The following INSYN2A variants were observed in gnomAD, a reference collection of about 807,000 sequenced individuals.
INSYN2A encodes inhibitory synaptic factor 2A.
A neutral mutation model predicts 39.4 loss-of-function variants in INSYN2A; 17 were observed. The observed-to-expected ratio is 0.43, with a 90% CI of 0.30 to 0.65. The LOEUF is 0.65. INSYN2A is among the 30% of genes least tolerant of loss of function. The probability of loss-of-function intolerance (pLI) is 0.14; values close to 1 mark genes in which losing one functional copy is unlikely to be tolerated. For missense variants in INSYN2A, 595 were observed against 631.2 expected (o/e 0.94, Z 0.61); for synonymous variants, 255 against 265.7 (o/e 0.96, Z 0.39).
chr10:127,169,671 G>A (rs2054384515), intron 4 of INSYN2A, among the ~76,000 whole-genome samples: 1 of 152,098 alleles, frequency 6.6e-6, no homozygotes, highest in Admixed American at 6.5e-5. Context: ...ACAAAGACTG[G>A]CTGTCAATAT....
intron 5 of INSYN2A, among the ~76,000 whole-genome samples, chr10:127,141,237 C>T (rs1477130515): frequency 3.9e-5 from 6 of 152,218 alleles, no homozygotes; most frequent in Non-Finnish European, 1.5e-5. Context: ...ATTATTCGTT[C>T]CCATATTACT....
rs1200932034 is a variant in INSYN2A at position 127,142,055 on chromosome 10, G to A, written c.1257-4035C>T. Among the ~76,000 whole-genome samples the A allele has an allele frequency of 2.6e-5, 4 of 152,290 alleles. No individual in the cohort carries two copies. In the East Asian group the frequency reaches 7.7e-4, roughly 29 times the overall value. ...TTGTGAGTGACCAGCTACCACAGTC[G>A]CTGTGCTAAGGGGAGCGTGAGAGTT... On this transcript the variant is annotated intron_variant, in intron 5 of 5. Coordinates refer to ENST00000522781, the MANE Select transcript of INSYN2A (RefSeq NM_001039762.3).
At chr10:127,164,044 T>G (rs2053837534) in intron 4 of INSYN2A, among the ~76,000 whole-genome samples, 1 of 151,542 alleles carries the variant, frequency 6.6e-6, no homozygotes, top group Admixed American at 6.6e-5. Flanking sequence ...TGGCAAAGCA[T>G]CACAGTTAGC....
At chr10:127,186,519 CCCCCCGATCCAGTTACCTCCA>C (rs2056275539) in intron 2 of INSYN2A, among the ~76,000 whole-genome samples, 1 of 77,818 alleles carries the variant, frequency 1.3e-5, no homozygotes. Context: ...CCCCCCGCCC[CCCCCCGATCCAGTTACCTCCA>C]CCCAGTTCCA....
intron 5 of INSYN2A, among the ~76,000 whole-genome samples, chr10:127,152,820 T>G (rs1157710630): frequency 1.3e-5 from 2 of 152,188 alleles, no homozygotes; most frequent in Non-Finnish European, 2.9e-5. Flanking sequence ...TTCTTCTGCC[T>G]CCTCCCAGAC....
intron 2 of INSYN2A, among the ~76,000 whole-genome samples, chr10:127,190,756 T>C (rs1041596315): frequency 1.2e-4 from 17 of 142,050 alleles, no homozygotes. Flanking sequence ...GTAGCATCTT[T>C]AATCCCTTCT....
At chr10:127,138,629 G>T (rs980582601) in intron 5 of INSYN2A, among the ~76,000 whole-genome samples, 1 of 152,118 alleles carries the variant, frequency 6.6e-6, no homozygotes, top group East Asian at 1.9e-4. Context: ...ACGGTACTCC[G>T]CCATTACTAA....
At chr10:127,168,091 G>T (rs143686252) in intron 4 of INSYN2A, among the ~76,000 whole-genome samples, 10 of 152,298 alleles carry the variant, frequency 6.6e-5, no homozygotes, top group Non-Finnish European at 1.2e-4. Context: ...GTCCAGAGGG[G>T]TTAATAAGCC....
chr10:127,188,433 G>A (rs998436212), intron 2 of INSYN2A, among the ~76,000 whole-genome samples: 4 of 152,118 alleles, frequency 2.6e-5, no homozygotes, highest in African/African-American at 9.7e-5. Context: ...TTAGAATTCT[G>A]TTCCCTTCTA....
rs1440388303 is a variant in INSYN2A, at chr10:127,175,173, G to A, written c.1184+39C>T. 4 of 1,533,436 alleles carry A rather than the reference G, an allele frequency of 2.6e-6. No homozygotes were observed. Among genetic ancestry groups the A allele is most frequent in the Non-Finnish European group, 3.6e-6 (4 of 1,121,124 alleles). The allele number at this position is 1,533,436 out of a possible 1,614,324, so 95.0% of individuals were successfully genotyped here. A position where few individuals can be genotyped will look rare whatever the true frequency, so the allele number is the denominator to read the frequency against. The stretch of plus-strand genomic sequence containing the variant: ...CTACAGATGGACTCTGTGGTGATCA[G>A]CCTGCATAGCTTCCTAAGACATGGG... On this transcript the variant is annotated intron_variant, in intron 4 of 5. Coordinates refer to ENST00000522781, the MANE Select transcript of INSYN2A (RefSeq NM_001039762.3). The surrounding 1 kb of genome is among the most constrained non-coding windows in gnomAD (Gnocchi z 6.3).
At chr10:127,186,507 G>GCCCCCCT (rs2056258513) in intron 2 of INSYN2A, among the ~76,000 whole-genome samples, 1 of 5,912 alleles carries the variant, frequency 1.7e-4, no homozygotes, top group Non-Finnish European at 5.3e-4. Flanking sequence ...GGGAGAAACC[G>GCCCCCCT]CCCCCCCGCC....
chr10:127,164,945 G>A (rs550654832), intron 4 of INSYN2A, among the ~76,000 whole-genome samples: 17 of 152,288 alleles, frequency 1.1e-4, no homozygotes, highest in Non-Finnish European at 2.2e-4. Flanking sequence ...TCCAGCTGAG[G>A]CCGAGTTGAT....
rs190979302 is a variant in INSYN2A, at chr10:127,190,519, G to A, written c.-269+2086C>T. The stretch of plus-strand genomic sequence containing the variant: ...TATGCTTAGTCATTTAAGGATTTGC[G>A]CTGTGAATCGCTTCATCCAATTTCC... On this transcript the variant is annotated intron_variant, in intron 2 of 5. Coordinates refer to ENST00000522781, the MANE Select transcript of INSYN2A (RefSeq NM_001039762.3). Among the ~76,000 whole-genome samples the A allele has an allele frequency of 6.3e-3, 777 of 122,478 alleles. 8 individuals carry two copies. The highest frequency in any genetic ancestry group is 0.022 in the African/African-American group (724 of 32,736). The allele number at this position is 122,478 out of a possible 152,430, so 80.4% of individuals were successfully genotyped here. A position where few individuals can be genotyped will look rare whatever the true frequency, so the allele number is the denominator to read the frequency against.
intron 4 of INSYN2A, among the ~76,000 whole-genome samples, chr10:127,174,720 T>C (rs2054916773): frequency 6.6e-6 from 1 of 152,222 alleles, no homozygotes; most frequent in South Asian, 2.1e-4. Context: ...TGTACAGTCC[T>C]GAATACCAAT....
rs900437227 is a variant in INSYN2A, at chr10:127,153,779, G to A, written c.1256+73C>T. 2.2e-5 allele frequency: 26 copies of A among 1,180,602 alleles called. No homozygotes were observed. The Middle Eastern group carries it at 7.7e-4, about 35-fold the overall frequency. 73.1% of individuals were successfully genotyped at this position (1,180,602 alleles called of 1,614,324 possible). ...AATCATCCCAGCATGGCCCCAGATC[G>A]TTCTTGCATTTGTGGGTAAACATCA... On this transcript the variant is annotated intron_variant, in intron 5 of 5. Transcript: ENST00000522781.
At chr10:127,156,556 CTTCTTCTTTTTTTTT>C (rs2053084369) in intron 4 of INSYN2A, among the ~76,000 whole-genome samples, 1 of 94,808 alleles carries the variant, frequency 1.1e-5, no homozygotes, top group Non-Finnish European at 2.2e-5. Context: ...TCTTCTTCTT[CTTCTTCTTTTTTTTT>C]TTTTTTTTTT....
chr10:127,145,991 C>T, intron 5 of INSYN2A: 1 of 516,586 alleles, frequency 1.9e-6, no homozygotes, highest in South Asian at 1.4e-5. Context: ...GGGGACCCCG[C>T]ACCCTGAATT....
chr10:127,170,235 CT>C (rs2054440336), intron 4 of INSYN2A, among the ~76,000 whole-genome samples: 1 of 152,166 alleles, frequency 6.6e-6, no homozygotes, highest in Non-Finnish European at 1.5e-5. Context: ...TAATCATACT[CT>C]TGCCTTTGCT....
intron 5 of INSYN2A, among the ~76,000 whole-genome samples, chr10:127,146,283 A>G (rs576911400): frequency 8.0e-4 from 122 of 152,350 alleles, no homozygotes; most frequent in South Asian, 1.7e-3. Flanking sequence ...CACAAATAAT[A>G]TGTTGAGATG....
Sources: allele counts gnomAD v4.1 joint callset (sites outside exome capture counted in the v4.1 genomes callset), GRCh38; gene constraint gnomAD v4.1.1; non-coding constraint Gnocchi (gnomAD v3.1); transcripts MANE v1.5; gene names NCBI Gene and HGNC (gene_info 2026-07-23, HGNC 2026-07-21).